The following NAGS variants were observed in gnomAD, a reference collection of about 807,000 sequenced individuals.
NAGS encodes N-acetylglutamate synthase, mitochondrial.
A neutral mutation model predicts 46.9 loss-of-function variants in NAGS; 34 were observed. The observed-to-expected ratio is 0.72, with a 90% CI of 0.55 to 0.97. NAGS has a LOEUF of 0.97. NAGS is among the 50% of genes least tolerant of loss of function. The pLI is 0.00. For synonymous variants in NAGS, 334 were observed against 346.3 expected, an observed-to-expected ratio of 0.96 and a Z score of 0.39; for missense variants, 665 against 747.0, an observed-to-expected ratio of 0.89 and a Z score of 1.28.
chr17:44,007,592 T>A lies in NAGS; in HGVS notation c.1270T>A (p.Tyr424Asn), dbSNP rs1555620800. The A allele has an allele frequency of 1.2e-6, 2 of 1,609,580 alleles. No homozygotes were observed. The highest frequency in any genetic ancestry group is 1.7e-5 in the Admixed American group (1 of 59,340). The change falls in exon 6 of 7, where the codon TAC becomes AAC. Residue 424 changes from tyrosine (Y) to asparagine (N), a missense_variant and splice_region_variant. By Grantham distance (143) the Tyr-to-Asn change is moderately radical. Coordinates refer to ENST00000293404, the MANE Select transcript of NAGS (RefSeq NM_153006.3). This position sits in a 1 kb window ranked among gnomAD's most constrained non-coding sequence, Gnocchi z 5.1. The stretch of plus-strand genomic sequence containing the variant: ...CCTGCCGCTCTCCCGCTGCGCCAGG[T>A]ACAACGCCGCCGCCATTCTGACCAT... ...RLHSIYVSEG[Y>N]NAAAILTMEP...
At chr17:44,008,222 T>G (rs542518365) in intron 6 of NAGS, among the ~76,000 whole-genome samples, 5 of 152,334 alleles carry the variant, frequency 3.3e-5, no homozygotes, top group African/African-American at 1.2e-4. Context: ...CCTGGCAAGG[T>G]ACCTAACTTC....
At position 44,004,803 on chromosome 17, in the gene NAGS, G is replaced by A. The variant is rs2049062070; in HGVS notation, c.140G>A (p.Arg47His). The change falls in exon 1 of 7, where the codon CGC becomes CAC. Residue 47 changes from arginine to histidine, a missense_variant. Coordinates refer to ENST00000293404, the MANE Select transcript of NAGS (RefSeq NM_153006.3). ...RRAARGTSPGRRLSTAWSQPQ... is the reference protein window; with the variant it reads ...RRAARGTSPGHRLSTAWSQPQ... ...GCGGCGAGGGGCACCAGCCCGGGGCGCCGGCTCAGCACCGCCTGGTCGCAG... is the reference window on the plus strand; with the variant it reads ...GCGGCGAGGGGCACCAGCCCGGGGCACCGGCTCAGCACCGCCTGGTCGCAG... 1 of 1,374,330 alleles carries A rather than the reference G, an allele frequency of 7.3e-7. No homozygotes were observed. Among genetic ancestry groups the A allele is most frequent in the South Asian group, 1.7e-5 (1 of 57,668 alleles). 85.1% of individuals were successfully genotyped at this position (1,374,330 alleles called of 1,614,324 possible).
At position 44,007,345 on chromosome 17, in the gene NAGS, C is replaced by T. The variant is rs2143989746; in HGVS notation, c.1119C>T (p.Asn373=). ...CAGGGTCCGGGACCCTGTTCAAGAA[C>T]GCCGAGCGAATGCTACGGGTGCGCA... The part of the protein sequence containing the change: ...SNKGSGTLFK[N]AERMLRVRSL... The change falls in exon 5 of 7, where the codon AAC becomes AAT. Residue 373 remains asparagine, a synonymous_variant. Transcript: ENST00000293404. The surrounding 1 kb of genome is among the most constrained non-coding windows in gnomAD (Gnocchi z 5.1). The T allele has an allele frequency of 1.2e-6, 2 of 1,613,958 alleles. No homozygotes were observed. Among genetic ancestry groups the T allele is most frequent in the Non-Finnish European group, 1.7e-6 (2 of 1,179,938 alleles).
chr17:44,004,642 G>C lies in NAGS; in HGVS notation c.-22G>C. The C allele has an allele frequency of 2.0e-6, 3 of 1,505,992 alleles. No homozygotes were observed. Among genetic ancestry groups the C allele is most frequent in the Non-Finnish European group, 2.7e-6 (3 of 1,124,992 alleles). 93.3% of individuals were successfully genotyped at this position (1,505,992 alleles called of 1,614,324 possible). A position where few individuals can be genotyped will look rare whatever the true frequency, so the allele number is the denominator to read the frequency against. On this transcript the variant is annotated 5_prime_UTR_variant, in exon 1 of 7. Coordinates refer to ENST00000293404, the MANE Select transcript of NAGS (RefSeq NM_153006.3). Reference sequence around the variant, plus strand: ...GCTCCAGACAGACTGCCACTCTTGGGGGGCAAGAGTTGGTTGTCGTCATGG... The same window carrying C: ...GCTCCAGACAGACTGCCACTCTTGGCGGGCAAGAGTTGGTTGTCGTCATGG...
chr17:44,004,845 AG>A lies in NAGS; in HGVS notation c.184del (p.Glu62SerfsTer49). On this transcript the variant is annotated frameshift_variant, in exon 1 of 7. Transcript: ENST00000293404. LOFTEE classifies it high-confidence loss of function. ...TAWSQPQPPP[E>X]EYAGADDVSQ... ...TGGTCGCAGCCCCAGCCCCCGCCCGAGGAGTACGCGGGCGCGGACGACGTCT... is the reference window on the plus strand; with the variant it reads ...TGGTCGCAGCCCCAGCCCCCGCCCGAGAGTACGCGGGCGCGGACGACGTCT... The A allele has an allele frequency of 6.6e-7, 1 of 1,521,876 alleles. No homozygotes were observed. Among genetic ancestry groups the A allele is most frequent in the Non-Finnish European group, 8.8e-7 (1 of 1,140,578 alleles). The allele number at this position is 1,521,876 out of a possible 1,614,324, so 94.3% of individuals were successfully genotyped here. A position where few individuals can be genotyped will look rare whatever the true frequency, so the allele number is the denominator to read the frequency against.
chr17:44,004,887 C>T lies in NAGS; in HGVS notation c.224C>T (p.Ala75Val), dbSNP rs894430084. Residue 75 changes from alanine to valine, a missense_variant, in exon 1 of 7, where the codon GCC (alanine) becomes GTC (valine). By Grantham distance (64) the Ala-to-Val change is moderately conservative (BLOSUM62 0). Transcript: ENST00000293404. ...GACGACGTCTCCCAGTCGCCCGTCGCCGAGGAGCCGTCGTGGGTGCCGAGT... is the reference window on the plus strand; with the variant it reads ...GACGACGTCTCCCAGTCGCCCGTCGTCGAGGAGCCGTCGTGGGTGCCGAGT... ...GADDVSQSPV[A>V]EEPSWVPSPR... 1.3e-6 allele frequency: 2 copies of T among 1,532,504 alleles called. No homozygotes were observed. The highest frequency in any genetic ancestry group is 1.7e-6 in the Non-Finnish European group (2 of 1,145,594). 94.9% of individuals were successfully genotyped at this position (1,532,504 alleles called of 1,614,324 possible). A position where few individuals can be genotyped will look rare whatever the true frequency, so the allele number is the denominator to read the frequency against.
Position 44,008,909 on chromosome 17 carries a change from C to G in NAGS, c.*308C>G. ...TCCAGGGCTCTACTCAGGACTAACC[C>G]TAAGGGTGAGCTAGTTTCTGTGCCT... On this transcript the variant is annotated 3_prime_UTR_variant, in exon 7 of 7. Coordinates refer to ENST00000293404, the MANE Select transcript of NAGS (RefSeq NM_153006.3). 2.1e-6 allele frequency: 1 copy of G among 466,472 alleles called. No homozygotes were observed. Among genetic ancestry groups the G allele is most frequent in the South Asian group, 2.2e-5 (1 of 45,686 alleles). 28.9% of individuals were successfully genotyped at this position (466,472 alleles called of 1,614,324 possible).
In NAGS at chr17:44,007,327, C is replaced by T. The variant is rs777811683; in HGVS notation, c.1101C>T (p.Ser367=). The T allele has an allele frequency of 1.9e-5, 30 of 1,613,140 alleles. No homozygotes were observed. Among genetic ancestry groups the T allele is most frequent in the Non-Finnish European group, 2.5e-5 (29 of 1,179,658 alleles). ...LLTELFSNKG[S]GTLFKNAERM... is the part of the protein sequence containing the mutation. The stretch of plus-strand genomic sequence containing the variant: ...CCCCTCCCCATCCTCCTCCAGGGTC[C>T]GGGACCCTGTTCAAGAACGCCGAGC... Residue 367 remains serine, a synonymous_variant, in exon 5 of 7, where the codon TCC becomes TCT. Coordinates refer to ENST00000293404, the MANE Select transcript of NAGS (RefSeq NM_153006.3). This position sits in a 1 kb window ranked among gnomAD's most constrained non-coding sequence, Gnocchi z 5.1.
Position 44,004,901 on chromosome 17 carries a change from T to A in NAGS, c.238T>A (p.Trp80Arg). The A allele has an allele frequency of 6.5e-7, 1 of 1,534,050 alleles. No homozygotes were observed. The highest frequency in any genetic ancestry group is 8.7e-7 in the Non-Finnish European group (1 of 1,146,142). ...GTCGCCCGTCGCCGAGGAGCCGTCG[T>A]GGGTGCCGAGTCCCAGGCCCCCGGT... The part of the protein sequence containing the change: ...SQSPVAEEPS[W>R]VPSPRPPVPH... The change falls in exon 1 of 7, where the codon TGG becomes AGG. Residue 80 changes from tryptophan to arginine, a missense_variant. By Grantham distance (101) the Trp-to-Arg change is moderately radical. Coordinates refer to ENST00000293404, the MANE Select transcript of NAGS (RefSeq NM_153006.3).
chr17:44,004,845 A>G lies in NAGS; in HGVS notation c.182A>G (p.Glu61Gly), dbSNP rs113134544. The G allele has an allele frequency of 2.6e-3, 3,891 of 1,521,874 alleles. 67 individuals are homozygous for G. In the African/African-American group the frequency reaches 0.044, roughly 17 times the overall value. 94.3% of individuals were successfully genotyped at this position (1,521,874 alleles called of 1,614,324 possible). A position where few individuals can be genotyped will look rare whatever the true frequency, so the allele number is the denominator to read the frequency against. ...TGGTCGCAGCCCCAGCCCCCGCCCGAGGAGTACGCGGGCGCGGACGACGTC... is the reference window on the plus strand; with the variant it reads ...TGGTCGCAGCCCCAGCCCCCGCCCGGGGAGTACGCGGGCGCGGACGACGTC... ...TAWSQPQPPP[E>G]EYAGADDVSQ... Residue 61 changes from glutamate (E) to glycine (G), a missense_variant, in exon 1 of 7, where the codon GAG becomes GGG. Physicochemically the swap from Glu to Gly is moderately conservative, Grantham distance 98. Transcript: ENST00000293404.
At position 44,007,784 on chromosome 17, in the gene NAGS, C is replaced by T. The variant is rs747466112; in HGVS notation, c.1451+11C>T. ...CCCCATCAATCCCTGGTAGGTCCTG[C>T]CACTCCCAGCTCTGGGCTGGGCCCT... is the stretch of plus-strand genomic sequence containing the variant. On this transcript the variant is annotated intron_variant, in intron 6 of 6. Coordinates refer to ENST00000293404, the MANE Select transcript of NAGS (RefSeq NM_153006.3). This position sits in a 1 kb window ranked among gnomAD's most constrained non-coding sequence, Gnocchi z 5.1. 1 of 1,571,648 alleles carries T rather than the reference C, an allele frequency of 6.4e-7. No homozygotes were observed. The highest frequency in any genetic ancestry group is 8.6e-7 in the Non-Finnish European group (1 of 1,157,008).
Position 44,006,730 on chromosome 17 carries a change from G to A in NAGS, c.1096+21G>A. The A allele has an allele frequency of 6.3e-7, 1 of 1,578,006 alleles. No individual in the cohort carries two copies. The highest frequency in any genetic ancestry group is 8.6e-7 in the Non-Finnish European group (1 of 1,158,562). ...CAAGGGTGAGGGCGGTGGGCGGGCC[G>A]GGGACTGGGTCCCGGGAGTGAGTAC... On this transcript the variant is annotated intron_variant, in intron 4 of 6. Coordinates refer to ENST00000293404, the MANE Select transcript of NAGS (RefSeq NM_153006.3). The surrounding 1 kb of genome is among the most constrained non-coding windows in gnomAD (Gnocchi z 4.8).
chr17:44,008,726 G>A lies in NAGS; in HGVS notation c.*125G>A, dbSNP rs1020160868. 6.2e-6 allele frequency: 8 copies of A among 1,300,504 alleles called. No individual in the cohort carries two copies. The Admixed American group carries it at 1.2e-4, about 20-fold the overall frequency. 80.6% of individuals were successfully genotyped at this position (1,300,504 alleles called of 1,614,324 possible). Reference sequence around the variant, plus strand: ...GCTTGTTGGCTGAGTGATCTGCAGAGGAGAAAGCAGCCCCAGCTCTGCCCA... The same window carrying A: ...GCTTGTTGGCTGAGTGATCTGCAGAAGAGAAAGCAGCCCCAGCTCTGCCCA... On this transcript the variant is annotated 3_prime_UTR_variant, in exon 7 of 7. Coordinates refer to ENST00000293404, the MANE Select transcript of NAGS (RefSeq NM_153006.3).
rs535667286 is a variant in NAGS at position 44,006,743 on chromosome 17, C to A, written c.1096+34C>A. The A allele has an allele frequency of 7.1e-5, 111 of 1,567,454 alleles. 1 individual carries two copies. In the Middle Eastern group the frequency reaches 8.8e-4, roughly 12 times the overall value. On this transcript the variant is annotated intron_variant, in intron 4 of 6. Coordinates refer to ENST00000293404, the MANE Select transcript of NAGS (RefSeq NM_153006.3). The surrounding 1 kb of genome is among the most constrained non-coding windows in gnomAD (Gnocchi z 4.8). ...GGTGGGCGGGCCGGGGACTGGGTCC[C>A]GGGAGTGAGTACTGGCCGGGGCTGG...
In NAGS at chr17:44,005,350, T is replaced by A. The variant is rs2049071905; in HGVS notation, c.426+261T>A. Among the ~76,000 whole-genome samples, 1 of 151,808 alleles carries A rather than the reference T, an allele frequency of 6.6e-6. No individual in the cohort carries two copies. The highest frequency in any genetic ancestry group is 2.4e-5 in the African/African-American group (1 of 41,316). On this transcript the variant is annotated intron_variant, in intron 1 of 6. Coordinates refer to ENST00000293404, the MANE Select transcript of NAGS (RefSeq NM_153006.3). This position sits in a 1 kb window ranked among gnomAD's most constrained non-coding sequence, Gnocchi z 7.2. ...AAGAAGGCCCCCAACATGGGCGCAGTTAGGGGTTCAGAAGGACCTGGACAG... is the reference window on the plus strand; with the variant it reads ...AAGAAGGCCCCCAACATGGGCGCAGATAGGGGTTCAGAAGGACCTGGACAG...
At position 44,006,299 on chromosome 17, in the gene NAGS, G is replaced by C; in HGVS notation, c.915+62G>C. 1 of 1,575,036 alleles carries C rather than the reference G, an allele frequency of 6.3e-7. No individual in the cohort carries two copies. The highest frequency in any genetic ancestry group is 8.6e-7 in the Non-Finnish European group (1 of 1,157,026). ...ATCCGGGCCTTCTCTTGCGCCCCTC[G>C]CACTTCTCCCCGACGGGCCGCAGAC... On this transcript the variant is annotated intron_variant, in intron 3 of 6. Transcript: ENST00000293404. The surrounding 1 kb of genome is among the most constrained non-coding windows in gnomAD (Gnocchi z 4.8).
rs955290470 is a variant in NAGS, at chr17:44,006,885, G to A, written c.1096+176G>A. The stretch of plus-strand genomic sequence containing the variant: ...GAAACCCGGGGGAGGTGAGAGAGGA[G>A]GAGACCCAGTGTACTGGAAGGGAAC... On this transcript the variant is annotated intron_variant, in intron 4 of 6. Coordinates refer to ENST00000293404, the MANE Select transcript of NAGS (RefSeq NM_153006.3). This position sits in a 1 kb window ranked among gnomAD's most constrained non-coding sequence, Gnocchi z 4.8. The A allele has an allele frequency of 4.6e-6, 3 of 659,002 alleles. No individual in the cohort carries two copies. Among genetic ancestry groups the A allele is most frequent in the African/African-American group, 3.6e-5 (2 of 54,960 alleles). 40.8% of individuals were successfully genotyped at this position (659,002 alleles called of 1,614,324 possible).
At position 44,005,577 on chromosome 17, in the gene NAGS, G is replaced by A; in HGVS notation, c.427-60G>A. 1 of 1,582,566 alleles carries A rather than the reference G, an allele frequency of 6.3e-7. No homozygotes were observed. The highest frequency in any genetic ancestry group is 8.6e-7 in the Non-Finnish European group (1 of 1,165,404). ...TCACCGAGACGGCCCTGCAGGCCAG[G>A]CTGTGGGAGCCAGCGGCTCAGGTCC... On this transcript the variant is annotated intron_variant, in intron 1 of 6. Transcript: ENST00000293404. The surrounding 1 kb of genome is among the most constrained non-coding windows in gnomAD (Gnocchi z 7.2).
rs978738847 is a variant in NAGS, at chr17:44,006,198, C to G, written c.876C>G (p.Phe292Leu). The part of the protein sequence containing the change: ...AKALRPTKII[F>L]LNNTGGLRDS... ...CGCTGCGGCCCACCAAAATCATCTT[C>G]CTCAATAACACAGGCGGCCTGCGCG... Residue 292 changes from phenylalanine to leucine, a missense_variant, in exon 3 of 7, where the codon TTC (phenylalanine) becomes TTG (leucine). Coordinates refer to ENST00000293404, the MANE Select transcript of NAGS (RefSeq NM_153006.3). The surrounding 1 kb of genome is among the most constrained non-coding windows in gnomAD (Gnocchi z 4.8). The G allele has an allele frequency of 2.5e-5, 40 of 1,613,266 alleles. No homozygotes were observed. Among genetic ancestry groups the G allele is most frequent in the Non-Finnish European group, 3.1e-5 (36 of 1,180,022 alleles).
Sources: allele counts gnomAD v4.1 joint callset (sites outside exome capture counted in the v4.1 genomes callset), GRCh38; gene constraint gnomAD v4.1.1; non-coding constraint Gnocchi (gnomAD v3.1); transcripts MANE v1.5; gene names NCBI Gene and HGNC (gene_info 2026-07-23, HGNC 2026-07-21).